CDH12: variants seen among roughly 807,000 people sequenced by gnomAD.
CDH12 encodes cadherin 12.
In CDH12, 41 loss-of-function variants were observed where a neutral mutation model predicts 74.1. The observed-to-expected ratio is 0.55, with a 90% CI of 0.43 to 0.72. CDH12 has a LOEUF of 0.72. Ranked by LOEUF, CDH12 falls within the 30% of genes least tolerant of loss-of-function variation. CDH12 has a pLI of 0.00. For synonymous variants in CDH12, 399 were observed against 355.0 expected, an observed-to-expected ratio of 1.12 and a Z score of -1.39; for missense variants, 945 against 977.2, an observed-to-expected ratio of 0.97 and a Z score of 0.44.
chr5:22,297,700 T>C (rs1737692389), intron 3 of CDH12, among the ~76,000 whole-genome samples: 1 of 152,216 alleles, frequency 6.6e-6, no homozygotes, highest in Non-Finnish European at 1.5e-5. Context: ...TGTTTTAGGT[T>C]GCTGGGCTGA....
intron 6 of CDH12, among the ~76,000 whole-genome samples, chr5:21,880,611 CCTTCCT>C (rs1752248557): frequency 3.8e-5 from 3 of 79,488 alleles, no homozygotes; most frequent in African/African-American, 1.4e-4. Flanking sequence ...TTCCTTCCTT[CCTTCCT>C]TCTTTCTTTC....
intron 1 of CDH12, among the ~76,000 whole-genome samples, chr5:22,818,493 A>G (rs1364813111): frequency 6.6e-6 from 1 of 152,050 alleles, no homozygotes; most frequent in African/African-American, 2.4e-5. Context: ...ATATGTATGT[A>G]TGTGTGTTTG....
intron 1 of CDH12, among the ~76,000 whole-genome samples, chr5:22,708,285 C>T (rs919585449): frequency 3.9e-5 from 6 of 152,152 alleles, no homozygotes; most frequent in Admixed American, 3.3e-4. Context: ...CACACAGGGT[C>T]CCTTTATTTA....
chr5:21,764,252 T>C (rs1744882856), intron 12 of CDH12, among the ~76,000 whole-genome samples: 1 of 152,054 alleles, frequency 6.6e-6, no homozygotes, highest in Non-Finnish European at 1.5e-5. Context: ...CGCGCGCCTA[T>C]AGTCCCAGCT....
At chr5:22,180,008 G>T (rs1749548253) in intron 4 of CDH12, among the ~76,000 whole-genome samples, 1 of 152,162 alleles carries the variant, frequency 6.6e-6, no homozygotes. Flanking sequence ...GGAAGATCAT[G>T]AATCCAAGTC....
In CDH12 at chr5:21,836,216, G is replaced by A. The variant is rs140411977; in HGVS notation, c.814+5945C>T. Among the ~76,000 whole-genome samples the A allele has an allele frequency of 7.5e-4, 113 of 151,568 alleles. 1 individual carries two copies. The East Asian group carries it at 0.02, about 27-fold the overall frequency. ...ATATAATACAACTATGTTTTATTCT[G>A]CAATTATTGTGTAAATGATGTTTTA... On this transcript the variant is annotated intron_variant, in intron 8 of 14. Coordinates refer to ENST00000382254, the MANE Select transcript of CDH12 (RefSeq NM_004061.5).
chr5:21,792,952 T>A (rs1351691774), intron 10 of CDH12, among the ~76,000 whole-genome samples: 1 of 151,820 alleles, frequency 6.6e-6, no homozygotes, highest in African/African-American at 2.4e-5. Context: ...AATACCTGAC[T>A]AAATAAGTAA....
chr5:22,751,592 T>C (rs1301750518), intron 1 of CDH12, among the ~76,000 whole-genome samples: 1 of 152,074 alleles, frequency 6.6e-6, no homozygotes, highest in African/African-American at 2.4e-5. Context: ...ACAGTAATAA[T>C]ATAGAACATT....
At chr5:22,378,372 G>A (rs757534565) in intron 3 of CDH12, among the ~76,000 whole-genome samples, 1 of 151,690 alleles carries the variant, frequency 6.6e-6, no homozygotes. Context: ...AGTTTTTTTT[G>A]GTTTGGTTAA....
At chr5:22,628,538 C>T (rs1025110233) in intron 1 of CDH12, among the ~76,000 whole-genome samples, 1 of 152,242 alleles carries the variant, frequency 6.6e-6, no homozygotes, top group African/African-American at 2.4e-5. Context: ...TGAATAAGTT[C>T]TTTGAAACTA....
At chr5:22,845,266 A>T (rs1030363463) in intron 1 of CDH12, among the ~76,000 whole-genome samples, 1 of 152,132 alleles carries the variant, frequency 6.6e-6, no homozygotes, top group Admixed American at 6.6e-5. Flanking sequence ...TAATAACATC[A>T]CCAGCTAATG....
chr5:21,902,907 C>T lies in CDH12; in HGVS notation c.527-48117G>A, dbSNP rs114976226. Among the ~76,000 whole-genome samples, 875 of 151,904 alleles carry T rather than the reference C, an allele frequency of 5.8e-3. 8 individuals are homozygous for T. Among genetic ancestry groups the T allele is most frequent in the African/African-American group, 0.02 (810 of 41,426 alleles). On this transcript the variant is annotated intron_variant, in intron 6 of 14. Transcript: ENST00000382254. ...TTGCATAAATGGAAGAATGATAAGA[C>T]GAAGAATTGAGCCCATGAAAACATT...
At chr5:21,768,685 G>A (rs979606866) in intron 11 of CDH12, among the ~76,000 whole-genome samples, 2 of 152,020 alleles carry the variant, frequency 1.3e-5, no homozygotes, top group South Asian at 2.1e-4. Context: ...CCACACCCAG[G>A]TGGCTTCATG....
Position 22,745,895 on chromosome 5 carries a change from G to A in CDH12, c.-523+107163C>T, listed in dbSNP as rs571866612. Among the ~76,000 whole-genome samples the A allele has an allele frequency of 3.9e-5, 6 of 151,984 alleles. No individual in the cohort carries two copies. The East Asian group carries it at 9.7e-4, about 25-fold the overall frequency. On this transcript the variant is annotated intron_variant, in intron 1 of 14. Coordinates refer to ENST00000382254, the MANE Select transcript of CDH12 (RefSeq NM_004061.5). The stretch of plus-strand genomic sequence containing the variant: ...GTTTATCTATGTAAAAGGCCTGCAC[G>A]TGTACCCCAGAAGTGAAAATAAACA...
chr5:21,927,228 AT>A (rs1409581124), intron 6 of CDH12, among the ~76,000 whole-genome samples: 1 of 152,176 alleles, frequency 6.6e-6, no homozygotes. Flanking sequence ...TAACCATGAC[AT>A]TTAAGATGGG....
chr5:21,971,638 G>T (rs1756859477), intron 6 of CDH12, among the ~76,000 whole-genome samples: 1 of 152,104 alleles, frequency 6.6e-6, no homozygotes, highest in South Asian at 2.1e-4. Flanking sequence ...AGCATTGTAG[G>T]AAAAGTAACT....
intron 1 of CDH12, among the ~76,000 whole-genome samples, chr5:22,560,808 T>C (rs1159059240): frequency 6.6e-6 from 1 of 152,270 alleles, no homozygotes; most frequent in East Asian, 1.9e-4. Flanking sequence ...TTATATAACA[T>C]TGTGAAACTT....
chr5:21,757,469 T>A (rs1403491578), intron 13 of CDH12, among the ~76,000 whole-genome samples: 1 of 152,184 alleles, frequency 6.6e-6, no homozygotes, highest in Non-Finnish European at 1.5e-5. Context: ...CAATTTATTA[T>A]TTATTGAAAA....
At chr5:22,255,880 A>G (rs978357629) in intron 3 of CDH12, among the ~76,000 whole-genome samples, 1 of 152,068 alleles carries the variant, frequency 6.6e-6, no homozygotes, top group Non-Finnish European at 1.5e-5. Flanking sequence ...GCTGTTATTC[A>G]TCTTTGTTAA....
Sources: allele counts gnomAD v4.1 joint callset (sites outside exome capture counted in the v4.1 genomes callset), GRCh38; gene constraint gnomAD v4.1.1; transcripts MANE v1.5; gene names NCBI Gene and HGNC (gene_info 2026-07-23, HGNC 2026-07-21).